The following CENPP variants were observed in gnomAD, a reference collection of about 807,000 sequenced individuals.
CENPP encodes centromere protein P.
Under a neutral mutation model 35.6 loss-of-function variants are expected in CENPP, and 24 were observed. The ratio of observed to expected loss-of-function variants is 0.67; its 90% CI spans 0.49 to 0.95. The LOEUF (loss-of-function observed/expected upper bound fraction) is 0.95, where lower values mean the gene tolerates loss of function less well. Ranked by LOEUF, CENPP falls within the 40% of genes least tolerant of loss-of-function variation. The pLI is 0.00. For synonymous variants in CENPP, 120 were observed against 125.5 expected, an observed-to-expected ratio of 0.96 and a Z score of 0.29; for missense variants, 332 against 345.3, an observed-to-expected ratio of 0.96 and a Z score of 0.31.
intron 5 of CENPP, among the ~76,000 whole-genome samples, chr9:92,606,749 C>A (rs1851092636): frequency 6.6e-6 from 1 of 152,142 alleles, no homozygotes; most frequent in African/African-American, 2.4e-5. Flanking sequence ...ACTAAAAATA[C>A]AAAAATTAGC....
chr9:92,564,396 AAAAAT>A (rs1448932528), intron 5 of CENPP, among the ~76,000 whole-genome samples: 4 of 152,140 alleles, frequency 2.6e-5, no homozygotes, highest in South Asian at 2.1e-4. Context: ...CTCAAAAAAA[AAAAAT>A]AAAATAAAGG....
At chr9:92,559,428 C>G (rs1311084983) in intron 5 of CENPP, among the ~76,000 whole-genome samples, 2 of 152,204 alleles carry the variant, frequency 1.3e-5, no homozygotes, top group Non-Finnish European at 2.9e-5. Flanking sequence ...AGAGACGGGT[C>G]TCCCTTTCCC....
intron 5 of CENPP, among the ~76,000 whole-genome samples, chr9:92,383,154 T>C (rs1357283974): frequency 6.6e-6 from 1 of 152,182 alleles, no homozygotes; most frequent in Admixed American, 6.5e-5. Context: ...CGCCTCAGCC[T>C]CACAAAGTGC....
chr9:92,598,593 G>A (rs1217006878), intron 5 of CENPP, among the ~76,000 whole-genome samples: 2 of 152,172 alleles, frequency 1.3e-5, no homozygotes, highest in Admixed American at 6.5e-5. Context: ...AAGGTCAGGA[G>A]GCAGGGCATC....
intron 5 of CENPP, among the ~76,000 whole-genome samples, chr9:92,585,633 G>A (rs1850522073): frequency 6.6e-6 from 1 of 152,150 alleles, no homozygotes; most frequent in Non-Finnish European, 1.5e-5. Context: ...TATCTCCTCT[G>A]AAACCACCAT....
rs1305862865 is a variant in CENPP at position 92,460,659 on chromosome 9, G to A, written c.564+80800G>A. ...TTTCAAGTTTCAGATTATGGATTTA[G>A]GCAACTTTTTAGGCACTAACTCTTT... On this transcript the variant is annotated intron_variant, in intron 5 of 7. Coordinates refer to ENST00000375587, the MANE Select transcript of CENPP (RefSeq NM_001012267.3). The A allele has an allele frequency of 3.7e-6, 3 of 820,652 alleles. No homozygotes were observed. In the African/African-American group the frequency reaches 5.3e-5, roughly 14 times the overall value. The allele number at this position is 820,652 out of a possible 1,614,324, so 50.8% of individuals were successfully genotyped here. A position where few individuals can be genotyped will look rare whatever the true frequency, so the allele number is the denominator to read the frequency against.
intron 5 of CENPP, among the ~76,000 whole-genome samples, chr9:92,502,966 C>G (rs549440853): frequency 1.3e-5 from 2 of 151,808 alleles, no homozygotes; most frequent in African/African-American, 4.8e-5. Context: ...CGCCATGAAG[C>G]CTGGCTAATT....
intron 5 of CENPP, among the ~76,000 whole-genome samples, chr9:92,444,006 T>G (rs1446863031): frequency 6.6e-6 from 1 of 152,140 alleles, no homozygotes; most frequent in Non-Finnish European, 1.5e-5. Flanking sequence ...AATTCAGGCT[T>G]AGAAATAGAC....
intron 5 of CENPP, among the ~76,000 whole-genome samples, chr9:92,527,779 A>G (rs1387916375): frequency 6.6e-6 from 1 of 152,056 alleles, no homozygotes; most frequent in Non-Finnish European, 1.5e-5. Context: ...GGTAGTAGCA[A>G]ACATATGGCT....
intron 5 of CENPP, among the ~76,000 whole-genome samples, chr9:92,553,996 C>T (rs1214279260): frequency 1.3e-5 from 2 of 152,130 alleles, no homozygotes; most frequent in African/African-American, 4.8e-5. Context: ...TTCCAGTTCT[C>T]AGAATGCTTT....
In CENPP at chr9:92,567,369, G is replaced by GATAGATATATAGATATATATATATAT. The variant is rs1554688218; in HGVS notation, c.565-43934_565-43933insGATATATATATATATATAGATATATA. 2.4e-4 allele frequency among the ~76,000 whole-genome samples: 25 copies of GATAGATATATAGATATATATATATAT among 104,096 alleles called. 1 individual carries two copies. The highest frequency in any genetic ancestry group is 7.0e-4 in the African/African-American group (24 of 34,284). 68.3% of individuals were successfully genotyped at this position (104,096 alleles called of 152,430 possible). ...ATTTATGGGGTATACAGTTACATAA[G>GATAGATATATAGATATATATATATAT]ATAGATATATATATATATATATATA... On this transcript the variant is annotated intron_variant, in intron 5 of 7. Transcript: ENST00000375587.
chr9:92,512,041 A>G (rs1847377764), intron 5 of CENPP: 1 of 1,613,400 alleles, frequency 6.2e-7, no homozygotes, highest in Admixed American at 1.7e-5. Context: ...TGCCTGAAGA[A>G]GTGATATTAT....
chr9:92,433,984 C>G lies in CENPP; in HGVS notation c.564+54125C>G, dbSNP rs181630389. Among the ~76,000 whole-genome samples, 172 of 152,248 alleles carry G rather than the reference C, an allele frequency of 1.1e-3. 2 individuals are homozygous for G. Among genetic ancestry groups the G allele is most frequent in the Non-Finnish European group, 2.2e-3 (147 of 68,022 alleles). On this transcript the variant is annotated intron_variant, in intron 5 of 7. Transcript: ENST00000375587. ...CATCAACTGTTTAAAATACACTTATCTTATACTTTGTGCTCACCTTCCTTT... is the reference window on the plus strand; with the variant it reads ...CATCAACTGTTTAAAATACACTTATGTTATACTTTGTGCTCACCTTCCTTT...
intron 5 of CENPP, among the ~76,000 whole-genome samples, chr9:92,430,485 T>G (rs1404417532): frequency 6.6e-6 from 1 of 151,490 alleles, no homozygotes; most frequent in Non-Finnish European, 1.5e-5. Flanking sequence ...GTCGCCCGAG[T>G]AGCTGGGATT....
intron 5 of CENPP, among the ~76,000 whole-genome samples, chr9:92,609,067 T>A (rs905427774): frequency 2.0e-5 from 3 of 152,268 alleles, no homozygotes; most frequent in Non-Finnish European, 4.4e-5. Flanking sequence ...CAGTTGTGAT[T>A]AATTTGGAAG....
intron 5 of CENPP, among the ~76,000 whole-genome samples, chr9:92,390,441 T>G (rs143229943): frequency 6.6e-6 from 1 of 152,302 alleles, no homozygotes; most frequent in East Asian, 1.9e-4. Flanking sequence ...TGCTGGCATG[T>G]TGCGTTGTGA....
chr9:92,571,065 G>A (rs1242720436), intron 5 of CENPP, among the ~76,000 whole-genome samples: 9 of 151,848 alleles, frequency 5.9e-5, no homozygotes, highest in Admixed American at 1.3e-4. Flanking sequence ...AGGGTTTTTT[G>A]TGTCTCTATC....
intron 5 of CENPP, among the ~76,000 whole-genome samples, chr9:92,499,293 G>T (rs889224078): frequency 6.6e-6 from 1 of 152,156 alleles, no homozygotes; most frequent in Non-Finnish European, 1.5e-5. Context: ...TCCCACTGGT[G>T]GTTTAAAGGA....
chr9:92,358,952 C>T (rs1415064198), intron 4 of CENPP, among the ~76,000 whole-genome samples: 84 of 122,248 alleles, frequency 6.9e-4, no homozygotes, highest in South Asian at 1.0e-3. Flanking sequence ...TTCTTTCTTT[C>T]TTTTTTTTTT....
Sources: gnomAD v4.1 joint callset for allele counts (sites outside exome capture counted in the v4.1 genomes callset) on GRCh38, gnomAD v4.1.1 for gene constraint, MANE v1.5 for transcripts, NCBI Gene and HGNC (gene_info 2026-07-23, HGNC 2026-07-21) for gene names.